The following EVC2 variants were observed in gnomAD, a reference collection of about 807,000 sequenced individuals.
The protein encoded by EVC2 is EvC ciliary complex subunit 2.
Under a neutral mutation model 149.3 loss-of-function variants are expected in EVC2, and 148 were observed. That is an observed-to-expected ratio of 0.99 (90% CI 0.87 to 1.14). The LOEUF (loss-of-function observed/expected upper bound fraction) is 1.14, where lower values mean the gene tolerates loss of function less well. EVC2 is among the 50% of genes most tolerant of loss of function. The pLI, the probability that EVC2 is intolerant of heterozygous loss-of-function variation, is 0.00. For synonymous variants in EVC2, 776 were observed against 649.9 expected, an observed-to-expected ratio of 1.19 and a Z score of -2.95; for missense variants, 1,854 against 1,627.3, an observed-to-expected ratio of 1.14 and a Z score of -2.40.
At chr4:5,660,352 G>C (rs1342769736) in intron 9 of EVC2, among the ~76,000 whole-genome samples, 2 of 152,196 alleles carry the variant, frequency 1.3e-5, no homozygotes, top group Non-Finnish European at 2.9e-5. Flanking sequence ...CCTTTCTTCT[G>C]AGAACAGTCA....
chr4:5,568,406 G>A (rs1198166946), intron 20 of EVC2, 38 bp downstream of exon 20: 1 of 1,534,456 alleles, frequency 6.5e-7, no homozygotes, highest in Non-Finnish European at 8.7e-7. Flanking sequence ...TTGTGGACAG[G>A]GACGTGCCCC....
intron 10 of EVC2, among the ~76,000 whole-genome samples, chr4:5,639,733 C>T (rs1717174919): frequency 6.6e-6 from 1 of 152,234 alleles, no homozygotes; most frequent in Non-Finnish European, 1.5e-5. Context: ...ACTCTGACAT[C>T]ACAACTTTCT....
intron 17 of EVC2, among the ~76,000 whole-genome samples, chr4:5,577,381 C>T (rs1722996034): frequency 6.6e-6 from 1 of 152,152 alleles, no homozygotes; most frequent in African/African-American, 2.4e-5. Context: ...TGGGCGGAGG[C>T]AGGAGGGCCC....
chr4:5,591,878 G>C (rs1465027472), intron 16 of EVC2, among the ~76,000 whole-genome samples: 1 of 152,132 alleles, frequency 6.6e-6, no homozygotes, highest in Non-Finnish European at 1.5e-5. Context: ...ATGATATGCT[G>C]CTAAATACTC....
chr4:5,701,256 C>T (rs887046932), intron 1 of EVC2, among the ~76,000 whole-genome samples: 1 of 152,214 alleles, frequency 6.6e-6, no homozygotes, highest in Non-Finnish European at 1.5e-5. Flanking sequence ...CTGATTATTA[C>T]ACTGGAACCA....
In EVC2 at chr4:5,670,632, T is replaced by C. The variant is rs1225219709; in HGVS notation, c.871-4983A>G. 7.4e-6 allele frequency among the ~76,000 whole-genome samples: 1 copy of C among 134,230 alleles called. No individual in the cohort carries two copies. 88.1% of individuals were successfully genotyped at this position (134,230 alleles called of 152,430 possible). On this transcript the variant is annotated intron_variant, in intron 7 of 21. Transcript: ENST00000344408. This position sits in a 1 kb window ranked among gnomAD's most constrained non-coding sequence, Gnocchi z 5.2. Reference sequence around the variant, plus strand: ...CCATCATCTTCACCATCACCATCACTACCATCATTGTCAACATTATCAATA... The same window carrying C: ...CCATCATCTTCACCATCACCATCACCACCATCATTGTCAACATTATCAATA...
intron 1 of EVC2, among the ~76,000 whole-genome samples, chr4:5,700,077 T>A (rs1577272694): frequency 6.6e-6 from 1 of 151,918 alleles, no homozygotes; most frequent in African/African-American, 2.4e-5. Flanking sequence ...GAGGCAGAGG[T>A]TGCAGTGAGT....
chr4:5,708,286 C>G lies in EVC2; in HGVS notation c.228G>C (p.Gln76His). Residue 76 changes from glutamine to histidine, a missense_variant and splice_region_variant, in exon 1 of 22, where the codon CAG (glutamine) becomes CAC (histidine). By Grantham distance (24) the Gln-to-His change is conservative. Coordinates refer to ENST00000344408, the MANE Select transcript of EVC2 (RefSeq NM_147127.5). ...GAGCCTGGGGTCGGGCCCTCCTTAC[C>G]TGCGTGCTGCTCTCGGGCCCCGCCC... The part of the protein sequence containing the change: ...RSGAGPESST[Q>H]DLPCMIWPKV... The G allele has an allele frequency of 1.4e-6, 2 of 1,479,128 alleles. No individual in the cohort carries two copies. The highest frequency in any genetic ancestry group is 1.3e-5 in the South Asian group (1 of 76,606). 91.6% of individuals were successfully genotyped at this position (1,479,128 alleles called of 1,614,324 possible).
chr4:5,537,494 T>C, the EVC2 span, among the ~76,000 whole-genome samples: 6 of 152,346 alleles, frequency 3.9e-5, no homozygotes, highest in South Asian at 1.2e-3. Flanking sequence ...AGAACGATCT[T>C]GTCTCAATAG....
At chr4:5,691,846 G>T (rs1721141097) in intron 3 of EVC2, among the ~76,000 whole-genome samples, 1 of 152,200 alleles carries the variant, frequency 6.6e-6, no homozygotes, top group South Asian at 2.1e-4. Flanking sequence ...CCTACGAAAA[G>T]GTTCCAAAGG....
rs764147957 is a variant in EVC2, at chr4:5,685,527, C to T, written c.707-48G>A. Reference sequence around the variant, plus strand: ...GACTCAGGGAGGGCTTGGCCACGCCCCCGGCTGCACCCCACCACACCCCAG... The same window carrying T: ...GACTCAGGGAGGGCTTGGCCACGCCTCCGGCTGCACCCCACCACACCCCAG... On this transcript the variant is annotated intron_variant, in intron 5 of 21. Transcript: ENST00000344408. 2.6e-6 allele frequency: 4 copies of T among 1,512,260 alleles called. No homozygotes were observed. In the South Asian group the frequency reaches 4.5e-5, roughly 17 times the overall value. 93.7% of individuals were successfully genotyped at this position (1,512,260 alleles called of 1,614,324 possible).
chr4:5,646,785 A>T (rs559314449), intron 9 of EVC2, among the ~76,000 whole-genome samples: 1 of 152,340 alleles, frequency 6.6e-6, no homozygotes, highest in South Asian at 2.1e-4. Flanking sequence ...ACTCTTACTC[A>T]GAAACCTACT....
chr4:5,559,809 GA>G (rs1436841304), downstream of EVC2, among the ~76,000 whole-genome samples: 1 of 152,050 alleles, frequency 6.6e-6, no homozygotes, highest in Non-Finnish European at 1.5e-5. The surrounding 1 kb of genome is among the most constrained non-coding windows in gnomAD (Gnocchi z 5.0). Flanking sequence ...AAAATAAATG[GA>G]AAAGAGATCA....
At chr4:5,616,016 C>T (rs528578189) in intron 15 of EVC2, among the ~76,000 whole-genome samples, 7 of 152,158 alleles carry the variant, frequency 4.6e-5, no homozygotes, top group East Asian at 1.9e-4. Flanking sequence ...CCTGGAAGCC[C>T]GGGGTATAGG....
Position 5,681,258 on chromosome 4 carries a change from A to G in EVC2, c.870+2T>C. ...GTGCTCAGGGCATGTCATGTCTCTT[A>G]CCGTTACGTTTTCTTCTGCTGTTAT... On this transcript the variant is annotated splice_donor_variant, in intron 7 of 21. Transcript: ENST00000344408. LOFTEE classifies it high-confidence loss of function. 6.2e-7 allele frequency: 1 copy of G among 1,614,232 alleles called. No individual in the cohort carries two copies. The highest frequency in any genetic ancestry group is 1.3e-5 in the African/African-American group (1 of 75,068).
chr4:5,646,980 T>C (rs928408249), intron 9 of EVC2, among the ~76,000 whole-genome samples: 1 of 152,186 alleles, frequency 6.6e-6, no homozygotes, highest in Non-Finnish European at 1.5e-5. Flanking sequence ...GCGGGAACCT[T>C]GGAAGCTATG....
intron 16 of EVC2, among the ~76,000 whole-genome samples, chr4:5,610,132 G>T (rs1268426730): frequency 6.6e-6 from 1 of 152,124 alleles, no homozygotes; most frequent in East Asian, 1.9e-4. Flanking sequence ...GATTAGAGTG[G>T]ATAGATGGAA....
intron 12 of EVC2, among the ~76,000 whole-genome samples, chr4:5,626,481 G>A (rs140922945): frequency 0.035 from 5,309 of 151,960 alleles, 241 homozygotes; most frequent in African/African-American, 0.11. Flanking sequence ...TTACAGGCGC[G>A]TGCCACCACG....
At chr4:5,531,962 T>C in the EVC2 span, among the ~76,000 whole-genome samples, 1 of 152,066 alleles carries the variant, frequency 6.6e-6, no homozygotes, top group Non-Finnish European at 1.5e-5. Context: ...TGATACATAA[T>C]ACAGTGTAAA....
Sources: gnomAD v4.1 joint callset for allele counts (sites outside exome capture counted in the v4.1 genomes callset) on GRCh38, gnomAD v4.1.1 for gene constraint, Gnocchi (gnomAD v3.1) non-coding constraint, MANE v1.5 for transcripts, NCBI Gene and HGNC (gene_info 2026-07-23, HGNC 2026-07-21) for gene names.